GABBR2: variants seen among roughly 807,000 people sequenced by gnomAD.
GABBR2 encodes the protein gamma-aminobutyric acid type B receptor subunit 2, also known as G-protein coupled receptor 51.
A neutral mutation model predicts 105.6 loss-of-function variants in GABBR2; 23 were observed. That is an observed-to-expected ratio of 0.22 (90% CI 0.16 to 0.31). The LOEUF (loss-of-function observed/expected upper bound fraction) is 0.31, where lower values mean the gene tolerates loss of function less well. Ranked by LOEUF, GABBR2 falls within the 10% of genes least tolerant of loss-of-function variation. The pLI is 1.00. For missense variants in GABBR2, 734 were observed against 1,245.5 expected, an observed-to-expected ratio of 0.59 and a Z score of 6.18; for synonymous variants, 478 against 499.7, an observed-to-expected ratio of 0.96 and a Z score of 0.58.
intron 8 of GABBR2, among the ~76,000 whole-genome samples, chr9:98,403,222 A>C (rs1832428079): frequency 7.3e-6 from 1 of 137,152 alleles, no homozygotes; most frequent in Non-Finnish European, 1.5e-5. Context: ...CGAACCCAGG[A>C]GGCAGAGGTT....
chr9:98,291,562 G>T (rs1272128622), intron 18 of GABBR2, among the ~76,000 whole-genome samples: 1 of 152,080 alleles, frequency 6.6e-6, no homozygotes, highest in Non-Finnish European at 1.5e-5. Context: ...GGTAACTAGT[G>T]TTATCTTTCC....
At chr9:98,422,533 T>C (rs1347633210) in intron 7 of GABBR2, among the ~76,000 whole-genome samples, 3 of 152,092 alleles carry the variant, frequency 2.0e-5, no homozygotes, top group Non-Finnish European at 4.4e-5. Flanking sequence ...TGTGTGTGTG[T>C]CTGTGTGTGA....
Position 98,306,108 on chromosome 9 carries a change from C to G in GABBR2, c.2229+13G>C, listed in dbSNP as rs2131354764. ...AGAGGGCAGAGGCCAGGTGGTGGGG[C>G]CAGCGCCTGTACCTTCGGCACGAAT... is the stretch of plus-strand genomic sequence containing the variant. On this transcript the variant is annotated intron_variant, in intron 15 of 18. Coordinates refer to ENST00000259455, the MANE Select transcript of GABBR2 (RefSeq NM_005458.8). This position sits in a 1 kb window ranked among gnomAD's most constrained non-coding sequence, Gnocchi z 5.4. 1.9e-6 allele frequency: 3 copies of G among 1,600,550 alleles called. No homozygotes were observed. In the Admixed American group the frequency reaches 5.0e-5, roughly 27 times the overall value.
At chr9:98,630,190 G>A (rs1331647828) in intron 1 of GABBR2, among the ~76,000 whole-genome samples, 3 of 152,106 alleles carry the variant, frequency 2.0e-5, no homozygotes, top group African/African-American at 7.2e-5. Context: ...AGACACAAAG[G>A]ATCACTGGGT....
At chr9:98,661,702 G>C (rs1196340766) in intron 1 of GABBR2, among the ~76,000 whole-genome samples, 2 of 152,156 alleles carry the variant, frequency 1.3e-5, no homozygotes, top group African/African-American at 4.8e-5. Context: ...CGCCTGGCCT[G>C]TGATGACTAT....
intron 2 of GABBR2, among the ~76,000 whole-genome samples, chr9:98,577,579 A>G (rs1458230993): frequency 6.6e-6 from 1 of 152,210 alleles, no homozygotes; most frequent in Non-Finnish European, 1.5e-5. Context: ...CATGTGTGGA[A>G]AGGCAGGGTG....
chr9:98,318,912 TG>T (rs879639751), intron 13 of GABBR2, among the ~76,000 whole-genome samples: 3,566 of 134,334 alleles, frequency 0.027, 73 homozygotes, highest in Middle Eastern at 0.063. Flanking sequence ...TGTGTGTGTG[TG>T]TTGGGGGTGT....
intron 1 of GABBR2, among the ~76,000 whole-genome samples, chr9:98,692,830 G>A (rs973362554): frequency 2.0e-5 from 3 of 152,212 alleles, no homozygotes; most frequent in Non-Finnish European, 4.4e-5. Context: ...CAGTGCTAGA[G>A]TTGACTATTT....
intron 13 of GABBR2, among the ~76,000 whole-genome samples, chr9:98,359,265 TAAG>T (rs1318548104): frequency 1.3e-5 from 2 of 151,750 alleles, no homozygotes; most frequent in African/African-American, 2.4e-5. Flanking sequence ...CTATCTCTAC[TAAG>T]AATACAAAAT....
At chr9:98,686,846 C>A (rs1830627242) in intron 1 of GABBR2, among the ~76,000 whole-genome samples, 1 of 152,162 alleles carries the variant, frequency 6.6e-6, no homozygotes. Flanking sequence ...CTGTCACCCC[C>A]ACAACCCATC....
chr9:98,429,123 T>G (rs923102464), intron 7 of GABBR2, among the ~76,000 whole-genome samples: 13 of 134,010 alleles, frequency 9.7e-5, no homozygotes, highest in Middle Eastern at 3.9e-3. Context: ...AGGTTTTTGG[T>G]GTGTGTGTGT....
rs148278484 is a variant in GABBR2 at position 98,349,737 on chromosome 9, G to T, written c.1893+12978C>A. Among the ~76,000 whole-genome samples, 244 of 152,180 alleles carry T rather than the reference G, an allele frequency of 1.6e-3. 1 individual carries two copies. The highest frequency in any genetic ancestry group is 5.5e-3 in the African/African-American group (230 of 41,522). On this transcript the variant is annotated intron_variant, in intron 13 of 18. Coordinates refer to ENST00000259455, the MANE Select transcript of GABBR2 (RefSeq NM_005458.8). ...TTCTTTTTTTATTGTGCCCTTGTCT[G>T]GTTTTGGTATCAGGGTAATTCTGGT...
chr9:98,422,496 C>CTGTGTGTGTGTGTG lies in GABBR2; in HGVS notation c.1237-16369_1237-16356dup, dbSNP rs370880704. 3.1e-3 allele frequency among the ~76,000 whole-genome samples: 449 copies of CTGTGTGTGTGTGTG among 146,310 alleles called. 1 individual carries two copies. The highest frequency in any genetic ancestry group is 0.011 in the African/African-American group (431 of 39,488). ...ACATTTAGAAGGCTGCTTAATGCAC[C>CTGTGTGTGTGTGTG]TGTGTGTGTGTGTGTGTGTGTGTGT... On this transcript the variant is annotated intron_variant, in intron 7 of 18. Transcript: ENST00000259455.
At chr9:98,490,952 A>G (rs974919836) in intron 4 of GABBR2, among the ~76,000 whole-genome samples, 1 of 151,818 alleles carries the variant, frequency 6.6e-6, no homozygotes, top group Non-Finnish European at 1.5e-5. Flanking sequence ...CATCTGCTAA[A>G]TCAGCCTTAT....
At chr9:98,625,832 G>T (rs1264762181) in intron 1 of GABBR2, among the ~76,000 whole-genome samples, 1 of 152,200 alleles carries the variant, frequency 6.6e-6, no homozygotes, top group Non-Finnish European at 1.5e-5. Flanking sequence ...GCAGGGACTG[G>T]TTCCTGCCCA....
intron 6 of GABBR2, among the ~76,000 whole-genome samples, chr9:98,456,014 A>C (rs540364942): frequency 6.2e-4 from 95 of 152,270 alleles, no homozygotes; most frequent in African/African-American, 2.1e-3. Flanking sequence ...CAGTGGGCAG[A>C]AACTCCCCCC....
At chr9:98,673,904 T>C (rs932013506) in intron 1 of GABBR2, among the ~76,000 whole-genome samples, 8 of 152,098 alleles carry the variant, frequency 5.3e-5, no homozygotes, top group African/African-American at 1.9e-4. Context: ...AGGAGATAAA[T>C]GATAATGGTT....
intron 8 of GABBR2, among the ~76,000 whole-genome samples, chr9:98,400,494 C>G (rs1832375653): frequency 6.6e-6 from 1 of 152,180 alleles, no homozygotes; most frequent in Non-Finnish European, 1.5e-5. Context: ...AATGTGCACA[C>G]AGATTCTGAC....
At position 98,388,845 on chromosome 9, in the gene GABBR2, G is replaced by A. The variant is rs1439502526; in HGVS notation, c.1529+9C>T. On this transcript the variant is annotated intron_variant, in intron 10 of 18. Coordinates refer to ENST00000259455, the MANE Select transcript of GABBR2 (RefSeq NM_005458.8). The surrounding 1 kb of genome is among the most constrained non-coding windows in gnomAD (Gnocchi z 4.4). ...AGTGATATCACAGAGGAGGACCAGG[G>A]TGGCTTACTTCTGATTCCGGTTCTT... 2.5e-6 allele frequency: 4 copies of A among 1,610,326 alleles called. No homozygotes were observed.
Sources: gnomAD v4.1 joint callset for allele counts (sites outside exome capture counted in the v4.1 genomes callset) on GRCh38, gnomAD v4.1.1 for gene constraint, Gnocchi (gnomAD v3.1) non-coding constraint, MANE v1.5 for transcripts, NCBI Gene and HGNC (gene_info 2026-07-23, HGNC 2026-07-21) for gene names.